The following PLCXD1 variants were observed in gnomAD, a reference collection of about 807,000 sequenced individuals.
PLCXD1 encodes phosphatidylinositol specific phospholipase C X domain containing 1.
Under a neutral mutation model 37.8 loss-of-function variants are expected in PLCXD1, and 45 were observed. The ratio of observed to expected loss-of-function variants is 1.19; its 90% CI spans 0.94 to 1.53. The LOEUF is 1.53. PLCXD1 is among the 40% of genes most tolerant of loss of function. The pLI is 0.00. For synonymous variants in PLCXD1, 246 were observed against 206.9 expected (o/e 1.19, Z -1.62); for missense variants, 539 against 454.7 (o/e 1.19, Z -1.69).
intron 5 of PLCXD1, 44 bp downstream of exon 5, chrX:291,698 G>T: frequency 4.4e-6 from 7 of 1,596,094 alleles, no homozygotes; most frequent in Non-Finnish European, 6.0e-6. Context: ...CGGGGCAGGG[G>T]CATCGTCAGC....
At chrX:296,736 C>A (rs1368583001) in intron 6 of PLCXD1, among the ~76,000 whole-genome samples, 1 of 152,244 alleles carries the variant, frequency 6.6e-6, no homozygotes, top group African/African-American at 2.4e-5. Flanking sequence ...CTGTCTATCA[C>A]ATGGGGGATA....
chrX:276,771 G>C (rs28424188), upstream of PLCXD1, among the ~76,000 whole-genome samples: 77,877 of 151,678 alleles, frequency 0.51, 21,271 homozygotes, highest in East Asian at 0.69. Context: ...GGGACGGGTC[G>C]GGACAGCTGG....
chrX:286,347 G>C (rs536146729), intron 2 of PLCXD1, among the ~76,000 whole-genome samples: 9 of 152,220 alleles, frequency 5.9e-5, no homozygotes, highest in African/African-American at 2.2e-4. Flanking sequence ...TTGCAGACAT[G>C]AGCTATTGCA....
chrX:282,383 TA>T (rs1266870021), intron 1 of PLCXD1, among the ~76,000 whole-genome samples: 1 of 112,858 alleles, frequency 8.9e-6, no homozygotes, highest in South Asian at 2.7e-4. Flanking sequence ...ACCCTGTCTT[TA>T]AAAAAAACAA....
rs1371569543 is a variant in PLCXD1 at position 291,684 on chromosome X, C to G, written c.549+30C>G. 5 of 1,609,222 alleles carry G rather than the reference C, an allele frequency of 3.1e-6. No individual in the cohort carries two copies. The South Asian group carries it at 4.4e-5, about 14-fold the overall frequency. ...GGAGGGGAAGGATATCCGCACGTCT[C>G]TCCCGGGGCAGGGGCATCGTCAGCC... On this transcript the variant is annotated intron_variant, in intron 5 of 6. Coordinates refer to ENST00000381657, the MANE Select transcript of PLCXD1 (RefSeq NM_018390.4).
rs1421565075 is a variant in PLCXD1, at chrX:300,331, A to G, written c.*996A>G. On this transcript the variant is annotated 3_prime_UTR_variant, in exon 7 of 7. Coordinates refer to ENST00000381657, the MANE Select transcript of PLCXD1 (RefSeq NM_018390.4). ...AGGAGCCGGCCTCCCCTGTCAGCCA[A>G]CCCCTCAGCTAGTTCTCACACCAAG... 6.6e-6 allele frequency: 1 copy of G among 151,888 alleles called. No homozygotes were observed. Among genetic ancestry groups the G allele is most frequent in the Non-Finnish European group, 1.5e-5 (1 of 68,016 alleles). 9.4% of individuals were successfully genotyped at this position (151,888 alleles called of 1,614,324 possible). A position where few individuals can be genotyped will look rare whatever the true frequency, so the allele number is the denominator to read the frequency against.
chrX:298,957 C>G (rs2069903468), intron 6 of PLCXD1, 140 bp from the exon 7 acceptor site: 1 of 698,188 alleles, frequency 1.4e-6, no homozygotes, highest in Admixed American at 2.2e-5. Flanking sequence ...ATAAGCAAAG[C>G]TCACCCAATT....
intron 2 of PLCXD1, 84 bp downstream of exon 2, chrX:284,398 C>A: frequency 6.7e-7 from 1 of 1,495,380 alleles, no homozygotes; most frequent in Non-Finnish European, 9.3e-7. Context: ...CTGCATTCCC[C>A]AGTGGGGACG....
At chrX:295,953 G>A (rs187778188) in intron 6 of PLCXD1, among the ~76,000 whole-genome samples, 22 of 151,726 alleles carry the variant, frequency 1.4e-4, no homozygotes, top group Admixed American at 5.9e-4. Context: ...CAATTCTCCC[G>A]CCTCAGCCTC....
In PLCXD1 at chrX:289,663, G is replaced by C. The variant is rs183888879; in HGVS notation, c.264+794G>C. On this transcript the variant is annotated intron_variant, in intron 3 of 6. Coordinates refer to ENST00000381657, the MANE Select transcript of PLCXD1 (RefSeq NM_018390.4). ...AGTAGCTGGGACTACAGGCTCCCGC[G>C]ACCACGCCCGGCTAATTTTTGGTAT... 3.8e-3 allele frequency among the ~76,000 whole-genome samples: 570 copies of C among 150,904 alleles called. 5 individuals are homozygous for C. Among genetic ancestry groups the C allele is most frequent in the African/African-American group, 0.013 (526 of 41,110 alleles).
chrX:303,260 T>C lies in PLCXD1; in HGVS notation c.*3925T>C, dbSNP rs1465204035. On this transcript the variant is annotated 3_prime_UTR_variant, in exon 7 of 7. Transcript: ENST00000381657. The stretch of plus-strand genomic sequence containing the variant: ...AGAATTTGCAGGGAGCCTCCCTGAC[T>C]TCCGTCGGCTGTGAATCCTTGTCTG... 2 of 152,178 alleles carry C rather than the reference T, an allele frequency of 1.3e-5. No homozygotes were observed. The highest frequency in any genetic ancestry group is 2.9e-5 in the Non-Finnish European group (2 of 68,036). The allele number at this position is 152,178 out of a possible 1,614,324, so 9.4% of individuals were successfully genotyped here.
Position 293,034 on chromosome X carries a change from G to A in PLCXD1, c.550-1G>A. 4 of 1,603,520 alleles carry A rather than the reference G, an allele frequency of 2.5e-6. 1 individual carries two copies. In the South Asian group the frequency reaches 4.4e-5, roughly 18 times the overall value. ...CACCCCTTAACTCTGGTCCTTTGCA[G>A]GAGGTGCCGACACTGCGGCAGCTGT... On this transcript the variant is annotated splice_acceptor_variant, in intron 5 of 6. Transcript: ENST00000381657. LOFTEE classifies it high-confidence loss of function.
intron 6 of PLCXD1, among the ~76,000 whole-genome samples, chrX:293,441 T>TA (rs2046561840): frequency 6.6e-6 from 1 of 152,088 alleles, no homozygotes; most frequent in African/African-American, 2.4e-5. Flanking sequence ...CTGGCCAACA[T>TA]AGTGAGACCC....
chrX:290,517 C>G (rs1011603484), intron 3 of PLCXD1, 131 bp from the exon 4 acceptor site: 9 of 934,178 alleles, frequency 9.6e-6, no homozygotes, highest in African/African-American at 1.6e-5. Flanking sequence ...CACATACAAA[C>G]AGCTGTTGTT....
intron 3 of PLCXD1, among the ~76,000 whole-genome samples, chrX:289,930 A>C (rs2069576044): frequency 6.6e-6 from 1 of 152,056 alleles, no homozygotes; most frequent in Admixed American, 6.6e-5. Flanking sequence ...GGAAACAGGG[A>C]GACAGGCCCC....
intron 1 of PLCXD1, among the ~76,000 whole-genome samples, chrX:282,945 TTA>T (rs58691987): frequency 0.25 from 26,045 of 105,302 alleles, 3,620 homozygotes; most frequent in African/African-American, 0.48. Context: ...TATATATATA[TTA>T]TATATATATT....
chrX:280,101 G>A (rs1404476186), upstream of PLCXD1, among the ~76,000 whole-genome samples: 1 of 152,148 alleles, frequency 6.6e-6, no homozygotes, highest in Non-Finnish European at 1.5e-5. Context: ...CGCCCGCCTC[G>A]GCCTCCCAAA....
At chrX:288,587 G>A (rs2069528166) in intron 2 of PLCXD1, 146 bp from the exon 3 acceptor site, 2 of 817,090 alleles carry the variant, frequency 2.4e-6, no homozygotes, top group Non-Finnish European at 2.1e-6. Flanking sequence ...TGAGTTTTGG[G>A]GGTCAGCGTG....
intron 6 of PLCXD1, among the ~76,000 whole-genome samples, chrX:295,903 C>A (rs1440071992): frequency 6.6e-6 from 1 of 150,668 alleles, no homozygotes; most frequent in Non-Finnish European, 1.5e-5. Flanking sequence ...TGCAATGGCG[C>A]AATCTTGGCT....
Sources: gnomAD v4.1 joint callset for allele counts (sites outside exome capture counted in the v4.1 genomes callset) on GRCh38, gnomAD v4.1.1 for gene constraint, MANE v1.5 for transcripts, NCBI Gene and HGNC (gene_info 2026-07-23, HGNC 2026-07-21) for gene names.